CDYL2: variants seen among roughly 807,000 people sequenced by gnomAD.
CDYL2 encodes chromodomain Y-like protein 2.
CDYL2 carries 23 observed loss-of-function variants against 49.4 expected under a neutral mutation model. The observed-to-expected ratio is 0.47, with a 90% confidence interval of 0.34 to 0.66. The LOEUF is 0.66. CDYL2 is among the 30% of genes least tolerant of loss of function. The pLI is 0.01. For synonymous variants in CDYL2, 360 were observed against 268.8 expected (o/e 1.34, Z -3.32); for missense variants, 678 against 656.4 (o/e 1.03, Z -0.36).
chr16:80,767,716 A>T (rs1906772681), intron 1 of CDYL2, among the ~76,000 whole-genome samples: 1 of 152,342 alleles, frequency 6.6e-6, no homozygotes, highest in East Asian at 1.9e-4. Flanking sequence ...AGGATGCTGG[A>T]GAATGCAACT....
intron 1 of CDYL2, among the ~76,000 whole-genome samples, chr16:80,763,362 G>C (rs540477092): frequency 0.087 from 22 of 252 alleles, no homozygotes; most frequent in South Asian, 0.4. Context: ...TGTAATCCCA[G>C]CACTTTGGAA....
intron 1 of CDYL2, among the ~76,000 whole-genome samples, chr16:80,761,301 G>A (rs560846712): frequency 6.6e-6 from 1 of 152,188 alleles, no homozygotes; most frequent in Non-Finnish European, 1.5e-5. Context: ...CTGAGGACCT[G>A]TGTGACTTTG....
At chr16:80,672,352 C>CACAGAGAGAG (rs68130206) in intron 2 of CDYL2, among the ~76,000 whole-genome samples, 117 of 117,834 alleles carry the variant, frequency 9.9e-4, no homozygotes, top group South Asian at 6.3e-3. Context: ...CACACACACA[C>CACAGAGAGAG]AGAGAGAGAG....
At chr16:80,727,269 G>T (rs1213699030) in intron 1 of CDYL2, among the ~76,000 whole-genome samples, 1 of 152,226 alleles carries the variant, frequency 6.6e-6, no homozygotes, top group Non-Finnish European at 1.5e-5. Context: ...GCAGGGCGAG[G>T]CATTGCCTCA....
chr16:80,782,689 G>A (rs577781767), intron 1 of CDYL2, among the ~76,000 whole-genome samples: 173 of 151,790 alleles, frequency 1.1e-3, no homozygotes, highest in African/African-American at 3.7e-3. Context: ...AGGGTGGCTC[G>A]AAACATGAAA....
Position 80,634,347 on chromosome 16 carries a change from C to T in CDYL2, c.617-1111G>A, listed in dbSNP as rs761973202. On this transcript the variant is annotated intron_variant, in intron 2 of 6. Transcript: ENST00000570137. Reference sequence around the variant, plus strand: ...AAGGATGAGTTCATGTCCTTTGCAGCGACATAGATGAAGGTGGGAACTATC... The same window carrying T: ...AAGGATGAGTTCATGTCCTTTGCAGTGACATAGATGAAGGTGGGAACTATC... Among the ~76,000 whole-genome samples the T allele has an allele frequency of 2.2e-4, 33 of 152,094 alleles. 1 individual carries two copies. The highest frequency in any genetic ancestry group is 4.1e-4 in the Non-Finnish European group (28 of 68,020).
chr16:80,730,740 G>A (rs987722929), intron 1 of CDYL2, among the ~76,000 whole-genome samples: 3 of 152,112 alleles, frequency 2.0e-5, no homozygotes, highest in Admixed American at 6.6e-5. Context: ...AAATATGTAG[G>A]GGTGTATCTA....
chr16:80,677,433 T>C (rs1909797131), intron 2 of CDYL2, among the ~76,000 whole-genome samples: 1 of 151,958 alleles, frequency 6.6e-6, no homozygotes, highest in African/African-American at 2.4e-5. Context: ...ACCATACCCA[T>C]CTATCAATAA....
chr16:80,624,509 G>C (rs1392546229), intron 3 of CDYL2, among the ~76,000 whole-genome samples: 1 of 152,102 alleles, frequency 6.6e-6, no homozygotes, highest in Non-Finnish European at 1.5e-5. Context: ...ACTCTGGGGA[G>C]AAGCTGCAAC....
At chr16:80,701,422 A>G (rs911902536) in intron 1 of CDYL2, among the ~76,000 whole-genome samples, 7 of 152,188 alleles carry the variant, frequency 4.6e-5, no homozygotes, top group Non-Finnish European at 8.8e-5. Context: ...TTCAATGAAC[A>G]TTATTTACAT....
intron 4 of CDYL2, among the ~76,000 whole-genome samples, chr16:80,614,898 CT>C (rs1406484632): frequency 1.3e-5 from 2 of 149,544 alleles, no homozygotes; most frequent in African/African-American, 4.9e-5. Flanking sequence ...AAAAGTTGAG[CT>C]GATTTATCTC....
At chr16:80,700,849 T>C (rs746147119) in intron 1 of CDYL2, among the ~76,000 whole-genome samples, 17 of 152,246 alleles carry the variant, frequency 1.1e-4, no homozygotes, top group Non-Finnish European at 2.1e-4. Context: ...AGAAGAAATG[T>C]ATCACCTCTG....
chr16:80,704,408 G>A (rs9923180), intron 1 of CDYL2, among the ~76,000 whole-genome samples: 176 of 152,234 alleles, frequency 1.2e-3, no homozygotes, highest in Non-Finnish European at 2.0e-3. Flanking sequence ...GGCACTGCAG[G>A]AGACACCAGA....
intron 2 of CDYL2, among the ~76,000 whole-genome samples, chr16:80,678,976 A>G (rs1390548430): frequency 1.3e-5 from 2 of 151,032 alleles, no homozygotes; most frequent in African/African-American, 2.5e-5. Context: ...CATGGATGAA[A>G]CTGGAAATCA....
intron 2 of CDYL2, among the ~76,000 whole-genome samples, chr16:80,646,207 A>T (rs1908338293): frequency 1.3e-5 from 2 of 152,296 alleles, no homozygotes; most frequent in South Asian, 4.1e-4. Context: ...TTATGGGAAT[A>T]CAATTCAAGA....
intron 1 of CDYL2, among the ~76,000 whole-genome samples, chr16:80,744,212 G>A (rs188311104): frequency 6.6e-6 from 1 of 152,150 alleles, no homozygotes; most frequent in Non-Finnish European, 1.5e-5. Flanking sequence ...GAAAAGGCAG[G>A]AGCCCTGGGG....
At chr16:80,674,404 C>T (rs998299196) in intron 2 of CDYL2, among the ~76,000 whole-genome samples, 5 of 150,046 alleles carry the variant, frequency 3.3e-5, no homozygotes, top group African/African-American at 1.2e-4. Flanking sequence ...TTTCATCCTA[C>T]TTGCTAGCTT....
intron 1 of CDYL2, among the ~76,000 whole-genome samples, chr16:80,759,150 A>ATATATATAT (rs1211358459): frequency 3.3e-4 from 27 of 80,818 alleles, no homozygotes; most frequent in East Asian, 1.3e-3. Flanking sequence ...GGTTTATATA[A>ATATATATAT]ATATATGGTT....
At position 80,600,763 on chromosome 16, in the gene CDYL2, T is replaced by C. The variant is rs1487635837; in HGVS notation, c.*3625A>G. 6.6e-6 allele frequency: 1 copy of C among 150,926 alleles called. No homozygotes were observed. The highest frequency in any genetic ancestry group is 1.5e-5 in the Non-Finnish European group (1 of 67,954). 9.3% of individuals were successfully genotyped at this position (150,926 alleles called of 1,614,324 possible). A position where few individuals can be genotyped will look rare whatever the true frequency, so the allele number is the denominator to read the frequency against. On this transcript the variant is annotated 3_prime_UTR_variant, in exon 7 of 7. Transcript: ENST00000570137. ...ACAGAAACTAGATTGGAAAATTTAATGGATGTGACTAAATTCCAAATAAAA... is the reference window on the plus strand; with the variant it reads ...ACAGAAACTAGATTGGAAAATTTAACGGATGTGACTAAATTCCAAATAAAA...
Sources: gnomAD v4.1 joint callset for allele counts (sites outside exome capture counted in the v4.1 genomes callset) on GRCh38, gnomAD v4.1.1 for gene constraint, MANE v1.5 for transcripts, NCBI Gene and HGNC (gene_info 2026-07-23, HGNC 2026-07-21) for gene names.